The following FAAP100 variants were observed in gnomAD, a reference collection of about 807,000 sequenced individuals.
FAAP100 encodes the protein FA core complex associated protein 100, also known as Fanconi anemia core complex-associated protein 100.
Under a neutral mutation model 65.8 loss-of-function variants are expected in FAAP100, and 46 were observed. That is an observed-to-expected ratio of 0.70 (90% CI 0.55 to 0.89). The LOEUF (loss-of-function observed/expected upper bound fraction) is 0.89. Among genes scored for constraint, FAAP100 ranks in the 40% least tolerant of loss-of-function variants. The pLI is 0.00. For missense variants in FAAP100, 1,165 were observed against 1,196.7 expected (o/e 0.97, Z 0.39); for synonymous variants, 663 against 555.1 (o/e 1.19, Z -2.73).
chr17:81,542,179 AAAAAAAAAAAAAAAAAAAAAAATATATAT>A (rs1423843958), intron 7 of FAAP100, among the ~76,000 whole-genome samples: 4 of 50,792 alleles, frequency 7.9e-5, no homozygotes, highest in Admixed American at 6.7e-4. Context: ...AAAAAAAAAA[AAAAAAAAAAAAAAAAAAAAAAATATATAT>A]ATATATATAT....
At position 81,543,994 on chromosome 17, in the gene FAAP100, G is replaced by A; in HGVS notation, c.2427+10C>T. ...AGATCCTGGCCACCTTCCCCAGCGG[G>A]CCGACATACCTGCATGCGCCCGACA... is the stretch of plus-strand genomic sequence containing the variant. On this transcript the variant is annotated intron_variant, in intron 7 of 8. Coordinates refer to ENST00000327787, the MANE Select transcript of FAAP100 (RefSeq NM_025161.6). 6.2e-7 allele frequency: 1 copy of A among 1,604,836 alleles called. No homozygotes were observed.
intron 5 of FAAP100, chr17:81,546,400 C>G (rs1256894211): frequency 6.2e-6 from 1 of 161,090 alleles, no homozygotes; most frequent in Non-Finnish European, 1.3e-5. Context: ...CTCACACATG[C>G]CTGATGAACG....
chr17:81,549,079 C>T (rs1159118925), intron 4 of FAAP100, 127 bp downstream of exon 4: 1 of 766,162 alleles, frequency 1.3e-6, no homozygotes, highest in Non-Finnish European at 1.9e-6. Context: ...AAAAAGAGGC[C>T]AAGTAATGGC....
In FAAP100 at chr17:81,551,843, A is replaced by T. The variant is rs1020608205; in HGVS notation, c.290+85T>A. ...GAGCTGGCGGCAGCCCGGGTCCCCA[A>T]GCGCGATGAGGTGGGGCTGCTCGCT... On this transcript the variant is annotated intron_variant, in intron 2 of 8. Transcript: ENST00000327787. The T allele has an allele frequency of 2.1e-6, 3 of 1,406,036 alleles. No individual in the cohort carries two copies. The African/African-American group carries it at 4.5e-5, about 21-fold the overall frequency. 87.1% of individuals were successfully genotyped at this position (1,406,036 alleles called of 1,614,324 possible).
In FAAP100 at chr17:81,550,718, A is replaced by G. The variant is rs2033459385; in HGVS notation, c.776T>C (p.Val259Ala). ...QLCCVILKAL[V>A]TSRSAPGDPN... ...GTCACCAGGGGCTGACCTGGAGGTG[A>G]CCAGGGCCTTCAGGATCACACAGCA... The change falls in exon 3 of 9, where the codon GTC becomes GCC. Residue 259 changes from valine to alanine, a missense_variant. By Grantham distance (64) the Val-to-Ala change is moderately conservative (BLOSUM62 0). Coordinates refer to ENST00000327787, the MANE Select transcript of FAAP100 (RefSeq NM_025161.6). 4 of 1,612,804 alleles carry G rather than the reference A, an allele frequency of 2.5e-6. No homozygotes were observed. Among genetic ancestry groups the G allele is most frequent in the African/African-American group, 2.7e-5 (2 of 75,064 alleles).
Position 81,550,398 on chromosome 17 carries a change from G to C in FAAP100, c.1096C>G (p.Leu366Val). The change falls in exon 3 of 9, where the codon CTC becomes GTC. Residue 366 changes from leucine (L) to valine (V), a missense_variant. Transcript: ENST00000327787. ...CCCCGAGACAGATCCACCACACAGA[G>C]GTCAGAAGGGGTGCTGTGGTACACG... ...GRVYHSTPSDLCVVDLSRGST... is the reference protein window; with the variant it reads ...GRVYHSTPSDVCVVDLSRGST... 6.2e-7 allele frequency: 1 copy of C among 1,612,764 alleles called. No individual in the cohort carries two copies. The highest frequency in any genetic ancestry group is 1.1e-5 in the South Asian group (1 of 91,082).
intron 2 of FAAP100, 59 bp downstream of exon 2, chr17:81,551,869 C>G (rs1217698925): frequency 2.7e-6 from 4 of 1,475,136 alleles, no homozygotes; most frequent in African/African-American, 2.9e-5. Flanking sequence ...GCTGCTCGCT[C>G]TGAAGCAGTC....
chr17:81,540,732 G>A lies in FAAP100; in HGVS notation c.*87C>T, dbSNP rs899574164. The A allele has an allele frequency of 1.4e-6, 2 of 1,405,260 alleles. No individual in the cohort carries two copies. The highest frequency in any genetic ancestry group is 5.9e-5 in the Admixed American group (2 of 33,666). The allele number at this position is 1,405,260 out of a possible 1,614,324, so 87.0% of individuals were successfully genotyped here. On this transcript the variant is annotated 3_prime_UTR_variant, in exon 9 of 9. Transcript: ENST00000327787. Reference sequence around the variant, plus strand: ...TTCCCTGACGGCTCTGGCCAGGCCAGCTCGGTTTCCCTCTAACCCATGAGG... The same window carrying A: ...TTCCCTGACGGCTCTGGCCAGGCCAACTCGGTTTCCCTCTAACCCATGAGG...
rs1421746690 is a variant in FAAP100, at chr17:81,550,797, C to T, written c.697G>A (p.Ala233Thr). The T allele has an allele frequency of 1.2e-6, 2 of 1,612,690 alleles. No homozygotes were observed. Among genetic ancestry groups the T allele is most frequent in the Non-Finnish European group, 1.7e-6 (2 of 1,179,838 alleles). Residue 233 changes from alanine to threonine, a missense_variant, in exon 3 of 9, where the codon GCC (alanine) becomes ACC (threonine). Physicochemically the swap from Ala to Thr is moderately conservative, Grantham distance 58 (BLOSUM62 0). Coordinates refer to ENST00000327787, the MANE Select transcript of FAAP100 (RefSeq NM_025161.6). Reference protein sequence around the residue: ...ALFGLLFGADATLLQSPVVLC... With the variant: ...ALFGLLFGADTTLLQSPVVLC... ...ACCACAGGTGACTGCAGGAGGGTGG[C>T]ATCAGCTCCAAAGAGGAGCCCGAAG...
At chr17:81,544,259 T>C (rs757869838) in intron 6 of FAAP100, 139 bp from the exon 7 acceptor site, 1 of 651,278 alleles carries the variant, frequency 1.5e-6, no homozygotes, top group Non-Finnish European at 2.6e-6. Context: ...GGCTGTCCTA[T>C]ACCCTGAAGG....
chr17:81,549,338 G>A lies in FAAP100; in HGVS notation c.1271C>T (p.Ser424Phe), dbSNP rs1168094751. The change falls in exon 4 of 9, where the codon TCC becomes TTC. Residue 424 changes from serine (S) to phenylalanine (F), a missense_variant. By Grantham distance (155) the Ser-to-Phe change is radical. Coordinates refer to ENST00000327787, the MANE Select transcript of FAAP100 (RefSeq NM_025161.6). ...HEGGTKLLALSAKGRLMTCSL... is the reference protein window; with the variant it reads ...HEGGTKLLALFAKGRLMTCSL... ...GCAGGTCATCAGGCGGCCTTTGGCG[G>A]ACAGGGCCAGGAGCTTGGTGCCACC... The A allele has an allele frequency of 1.1e-5, 18 of 1,611,224 alleles. No homozygotes were observed. The Admixed American group carries it at 2.8e-4, about 25-fold the overall frequency.
intron 2 of FAAP100, 57 bp from the exon 3 acceptor site, chr17:81,551,260 C>T (rs923660144): frequency 1.4e-6 from 2 of 1,441,786 alleles, no homozygotes; most frequent in Non-Finnish European, 1.8e-6. Flanking sequence ...CCCACGTTCT[C>T]TTCACAATAA....
Position 81,551,222 on chromosome 17 carries a change from A to G in FAAP100, c.291-19T>C, listed in dbSNP as rs2033483680. 3 of 1,500,336 alleles carry G rather than the reference A, an allele frequency of 2.0e-6. No individual in the cohort carries two copies. The East Asian group carries it at 7.4e-5, about 37-fold the overall frequency. 92.9% of individuals were successfully genotyped at this position (1,500,336 alleles called of 1,614,324 possible). ...CGTAGACCTTTGAGAACAGGGACGCACTGGTCAGGCCTGGGCAGGGTGGGA... is the reference window on the plus strand; with the variant it reads ...CGTAGACCTTTGAGAACAGGGACGCGCTGGTCAGGCCTGGGCAGGGTGGGA... On this transcript the variant is annotated intron_variant, in intron 2 of 8. Coordinates refer to ENST00000327787, the MANE Select transcript of FAAP100 (RefSeq NM_025161.6).
rs777408094 is a variant in FAAP100 at position 81,550,267 on chromosome 17, C to T, written c.1227G>A (p.Ala409=). The change falls in exon 3 of 9, where the codon GCG becomes GCA. Residue 409 remains alanine, a synonymous_variant. Transcript: ENST00000327787. ...TCATACCTTCATGCGTCCTGGGAGA[C>T]GCGGACAGCGAGACGACACTGCAGA... The part of the protein sequence containing the change: ...LNICSVVSLS[A]SPRTHEGGTK... The T allele has an allele frequency of 1.3e-5, 21 of 1,605,836 alleles. No homozygotes were observed. The East Asian group carries it at 1.6e-4, about 12-fold the overall frequency.
intron 2 of FAAP100, 159 bp downstream of exon 2, chr17:81,551,769 G>A: frequency 2.2e-6 from 3 of 1,372,904 alleles, no homozygotes; most frequent in South Asian, 1.7e-5. Context: ...AAAGAGTGCT[G>A]GGGGCAGGGG....
intron 7 of FAAP100, 61 bp downstream of exon 7, chr17:81,543,943 T>A (rs1344011733): frequency 2.7e-6 from 4 of 1,461,650 alleles, no homozygotes; most frequent in Non-Finnish European, 1.9e-6. Flanking sequence ...CAGGGTCCCA[T>A]GCAGGGACCT....
chr17:81,550,791 GGGTGGCATCA>G lies in FAAP100; in HGVS notation c.693_702del (p.Asp232SerfsTer19). On this transcript the variant is annotated frameshift_variant, in exon 3 of 9. Transcript: ENST00000327787. LOFTEE classifies it high-confidence loss of function. ...CAGAGGACCACAGGTGACTGCAGGAGGGTGGCATCAGCTCCAAAGAGGAGCCCGAAGAGGG... is the reference window on the plus strand; with the variant it reads ...CAGAGGACCACAGGTGACTGCAGGAGGCTCCAAAGAGGAGCCCGAAGAGGG... The G allele has an allele frequency of 6.2e-7, 1 of 1,612,796 alleles. No homozygotes were observed.
chr17:81,543,082 A>C (rs895716621), intron 7 of FAAP100, among the ~76,000 whole-genome samples: 3 of 152,184 alleles, frequency 2.0e-5, no homozygotes, highest in African/African-American at 7.2e-5. Context: ...CTTGCACCAA[A>C]TGAGATCTCT....
Position 81,550,844 on chromosome 17 carries a change from C to T in FAAP100, c.650G>A (p.Gly217Asp), listed in dbSNP as rs755662317. Reference protein sequence around the residue: ...VPHDLLGGSGGFTLEDALFGL... With the variant: ...VPHDLLGGSGDFTLEDALFGL... ...GAAGAGGGCGTCCTCCAGCGTGAAG[C>T]CCCCGGAGCCCCCGAGGAGGTCGTG... The change falls in exon 3 of 9, where the codon GGC (glycine) becomes GAC (aspartate). Residue 217 changes from glycine to aspartate, a missense_variant. Gly to Asp is a moderately conservative substitution (Grantham distance 94, BLOSUM62 -1). Transcript: ENST00000327787. The T allele has an allele frequency of 6.8e-6, 11 of 1,611,628 alleles. No individual in the cohort carries two copies. The East Asian group carries it at 1.8e-4, about 26-fold the overall frequency.
Sources: allele counts gnomAD v4.1 joint callset (sites outside exome capture counted in the v4.1 genomes callset), GRCh38; gene constraint gnomAD v4.1.1; transcripts MANE v1.5; gene names NCBI Gene and HGNC (gene_info 2026-07-23, HGNC 2026-07-21).